Variants in SYNE1 observed in about 807,000 individuals in gnomAD.
The protein encoded by SYNE1 is nesprin-1.
A neutral mutation model predicts 1,111.0 loss-of-function variants in SYNE1; 616 were observed. The ratio of observed to expected loss-of-function variants is 0.55; its 90% CI spans 0.52 to 0.59. The LOEUF (loss-of-function observed/expected upper bound fraction) is 0.59, where lower values mean the gene tolerates loss of function less well. Among genes scored for constraint, SYNE1 ranks in the 20% least tolerant of loss-of-function variants. SYNE1 has a pLI of 0.00. For synonymous variants in SYNE1, 3,855 were observed against 3,825.8 expected, an observed-to-expected ratio of 1.01 and a Z score of -0.28; for missense variants, 10,006 against 10,417.0, an observed-to-expected ratio of 0.96 and a Z score of 1.72.
At chr6:152,180,887 T>C (rs1378835041) in intron 128 of SYNE1, among the ~76,000 whole-genome samples, 3 of 152,068 alleles carry the variant, frequency 2.0e-5, no homozygotes, top group Admixed American at 6.5e-5. Context: ...TTCCTCTACT[T>C]CTCTGCAGTT....
At chr6:152,431,226 G>C (rs988339302) in intron 34 of SYNE1, among the ~76,000 whole-genome samples, 10 of 152,062 alleles carry the variant, frequency 6.6e-5, no homozygotes, top group African/African-American at 2.4e-4. Flanking sequence ...TATTCTTGAT[G>C]CCAGTGGTTT....
In SYNE1 at chr6:152,310,402, ATGAG is replaced by A; in HGVS notation, c.17009_17012del (p.Ser5670PhefsTer12). The stretch of plus-strand genomic sequence containing the variant: ...CCAAGTTAGTTTGGCTTACCTGCCG[ATGAG>A]AGAGCTGCTCCTTGAGACTGAGACG... On this transcript the variant is annotated frameshift_variant, in exon 89 of 146. Transcript: ENST00000367255. LOFTEE classifies it high-confidence loss of function. 1 of 1,614,164 alleles carries A rather than the reference ATGAG, an allele frequency of 6.2e-7. No individual in the cohort carries two copies. The highest frequency in any genetic ancestry group is 8.5e-7 in the Non-Finnish European group (1 of 1,180,032).
intron 117 of SYNE1, 111 bp from the exon 118 acceptor site, chr6:152,221,670 A>G: frequency 8.1e-6 from 11 of 1,352,558 alleles, no homozygotes; most frequent in Non-Finnish European, 1.0e-5. Context: ...ACTTGTATAA[A>G]CCAGGCATGA....
chr6:152,158,136 A>G (rs2061733967), intron 131 of SYNE1, among the ~76,000 whole-genome samples: 3 of 152,218 alleles, frequency 2.0e-5, no homozygotes, highest in African/African-American at 7.2e-5. Context: ...GAGTCCCACA[A>G]TGTGAAATCT....
At chr6:152,571,241 T>C (rs75891454) in intron 3 of SYNE1, among the ~76,000 whole-genome samples, 4,035 of 152,290 alleles carry the variant, frequency 0.026, 174 homozygotes, top group African/African-American at 0.091. Context: ...TGAGATTGCT[T>C]AAGAACAGGA....
At chr6:152,414,008 A>G (rs2098114345) in intron 41 of SYNE1, among the ~76,000 whole-genome samples, 1 of 41,986 alleles carries the variant, frequency 2.4e-5, no homozygotes, top group Non-Finnish European at 4.4e-5. Flanking sequence ...ATATATATAT[A>G]CTTTTTTTTT....
intron 36 of SYNE1, 59 bp downstream of exon 36, chr6:152,430,053 A>C (rs1839861760): frequency 1.7e-6 from 2 of 1,198,606 alleles, no homozygotes; most frequent in Non-Finnish European, 2.4e-6. Context: ...TTTCTTTTCA[A>C]GTGGGAATTA....
At chr6:152,440,340 T>C (rs1201075500) in intron 32 of SYNE1, among the ~76,000 whole-genome samples, 1 of 152,182 alleles carries the variant, frequency 6.6e-6, no homozygotes, top group Non-Finnish European at 1.5e-5. Flanking sequence ...TCTGGCTCCA[T>C]GTTGCCTAGA....
Position 152,330,402 on chromosome 6 carries a change from C to T in SYNE1, c.14283G>A (p.Arg4761=). 6.2e-7 allele frequency: 1 copy of T among 1,614,142 alleles called. No homozygotes were observed. The highest frequency in any genetic ancestry group is 8.5e-7 in the Non-Finnish European group (1 of 1,180,038). ...CCCTCTGTTCTGTTTGTCGCTTCAGCCTGTGATATAAGGTGACAAGGTGCA... is the reference window on the plus strand; with the variant it reads ...CCCTCTGTTCTGTTTGTCGCTTCAGTCTGTGATATAAGGTGACAAGGTGCA... The part of the protein sequence containing the change: ...KMLHLVTLYH[R]LKRQTEQRVS... Residue 4761 remains arginine, a synonymous_variant, in exon 78 of 146, where the codon AGG becomes AGA. Coordinates refer to ENST00000367255, the MANE Select transcript of SYNE1 (RefSeq NM_182961.4).
At position 152,148,176 on chromosome 6, in the gene SYNE1, G is replaced by C; in HGVS notation, c.24845C>G (p.Pro8282Arg). Residue 8282 changes from proline to arginine, a missense_variant, in exon 137 of 146, where the codon CCC (proline) becomes CGC (arginine). Physicochemically the swap from Pro to Arg is moderately radical, Grantham distance 103. This residue lies in a region of SYNE1 where 761 missense variants were observed against 795.5 expected (regional missense o/e 0.96). Transcript: ENST00000367255. This position sits in a 1 kb window ranked among gnomAD's most constrained non-coding sequence, Gnocchi z 4.1. ...RDTPASVDSI[P>R]LEWDHDYDLS... ...GTCATAGTCGTGATCCCACTCCAGGGGGATGGAGTCCACACTAGCCGGGGT... is the reference window on the plus strand; with the variant it reads ...GTCATAGTCGTGATCCCACTCCAGGCGGATGGAGTCCACACTAGCCGGGGT... 1 of 1,614,180 alleles carries C rather than the reference G, an allele frequency of 6.2e-7. No individual in the cohort carries two copies. The highest frequency in any genetic ancestry group is 8.5e-7 in the Non-Finnish European group (1 of 1,180,032).
intron 34 of SYNE1, among the ~76,000 whole-genome samples, chr6:152,432,025 G>C (rs2098434786): frequency 6.6e-6 from 1 of 152,126 alleles, no homozygotes; most frequent in Non-Finnish European, 1.5e-5. Context: ...TTAGTTATTA[G>C]AGTAATACTT....
intron 47 of SYNE1, among the ~76,000 whole-genome samples, chr6:152,400,658 T>C (rs1234510288): frequency 6.6e-6 from 1 of 151,904 alleles, no homozygotes; most frequent in Non-Finnish European, 1.5e-5. Flanking sequence ...TGAGATTCCA[T>C]CTCAAAAAAT....
chr6:152,512,778 GGTTT>G (rs1310981930), intron 6 of SYNE1, among the ~76,000 whole-genome samples: 1 of 152,088 alleles, frequency 6.6e-6, no homozygotes, highest in Admixed American at 6.6e-5. Context: ...AGCACAGGTT[GGTTT>G]GTCTGTTTAT....
At chr6:152,398,249 A>T (rs1428927611) in intron 49 of SYNE1, among the ~76,000 whole-genome samples, 2 of 152,164 alleles carry the variant, frequency 1.3e-5, no homozygotes, top group African/African-American at 2.4e-5. Flanking sequence ...TAGACCATAA[A>T]TTACTAAAAA....
intron 3 of SYNE1, among the ~76,000 whole-genome samples, chr6:152,591,874 A>T (rs990705782): frequency 6.6e-6 from 1 of 152,172 alleles, no homozygotes; most frequent in Admixed American, 6.5e-5. Context: ...ATGAACAGAC[A>T]CTTCTCTAAA....
rs373600672 is a variant in SYNE1 at position 152,354,050 on chromosome 6, G to T, written c.10927-306C>A. 6.6e-5 allele frequency among the ~76,000 whole-genome samples: 10 copies of T among 152,256 alleles called. No homozygotes were observed. The East Asian group carries it at 1.9e-3, about 30-fold the overall frequency. On this transcript the variant is annotated intron_variant, in intron 67 of 145. Transcript: ENST00000367255. Reference sequence around the variant, plus strand: ...AGCTGCTTGGGAGGCTGAGGCAGGAGAATCGCTTGAACCCAGGCTACAGAG... The same window carrying T: ...AGCTGCTTGGGAGGCTGAGGCAGGATAATCGCTTGAACCCAGGCTACAGAG...
At chr6:152,507,192 T>C (rs538632311) in intron 8 of SYNE1, among the ~76,000 whole-genome samples, 1 of 152,304 alleles carries the variant, frequency 6.6e-6, no homozygotes, top group African/African-American at 2.4e-5. Flanking sequence ...TTTTTCTTTG[T>C]CCACATTTCC....
intron 104 of SYNE1, among the ~76,000 whole-genome samples, chr6:152,253,892 C>G (rs1449731004): frequency 8.5e-6 from 1 of 117,028 alleles, no homozygotes; most frequent in Non-Finnish European, 1.6e-5. Flanking sequence ...AACTCTTGGC[C>G]CTAATGACAT....
intron 3 of SYNE1, among the ~76,000 whole-genome samples, chr6:152,578,983 A>C (rs2099510426): frequency 6.6e-6 from 1 of 152,238 alleles, no homozygotes; most frequent in African/African-American, 2.4e-5. Flanking sequence ...GGCTATAACC[A>C]AGAAATGCAA....
Sources: allele counts gnomAD v4.1 joint callset (sites outside exome capture counted in the v4.1 genomes callset), GRCh38; gene constraint gnomAD v4.1.1; regional missense constraint gnomAD v4.1.1; non-coding constraint Gnocchi (gnomAD v3.1); transcripts MANE v1.5; gene names NCBI Gene and HGNC (gene_info 2026-07-23, HGNC 2026-07-21).